The following ZNF423 variants were observed in gnomAD, a reference collection of about 807,000 sequenced individuals.
The protein encoded by ZNF423 is Ebf-associated zinc finger protein.
Under a neutral mutation model 95.8 loss-of-function variants are expected in ZNF423, and 12 were observed. The ratio of observed to expected loss-of-function variants is 0.13; its 90% CI spans 0.08 to 0.20. The LOEUF is 0.20. Among genes scored for constraint, ZNF423 ranks in the 10% least tolerant of loss-of-function variants. ZNF423 has a pLI of 1.00. For synonymous variants in ZNF423, 749 were observed against 711.9 expected (o/e 1.05, Z -0.83); for missense variants, 1,316 against 1,737.1 (o/e 0.76, Z 4.31).
intron 5 of ZNF423, among the ~76,000 whole-genome samples, chr16:49,620,448 C>G (rs1415754306): frequency 1.3e-5 from 2 of 152,174 alleles, no homozygotes; most frequent in African/African-American, 2.4e-5. Context: ...GACAGCAGAG[C>G]CCAGCCCTTG....
chr16:49,553,346 A>C (rs1352103932), intron 5 of ZNF423, among the ~76,000 whole-genome samples: 1 of 151,902 alleles, frequency 6.6e-6, no homozygotes, highest in Non-Finnish European at 1.5e-5. Flanking sequence ...CTTTTCTTAT[A>C]TTTTATTTTT....
rs548884443 is a variant in ZNF423, at chr16:49,589,108, T to A, written c.3601+37062A>T. ...GGAGAAACAAAGACAACAGCCACCA[T>A]CCCCATTCTTGGCATTTCCCCCAAG... On this transcript the variant is annotated intron_variant, in intron 5 of 7. Coordinates refer to ENST00000563137, the MANE Select transcript of ZNF423 (RefSeq NM_001379286.1). 2.6e-5 allele frequency among the ~76,000 whole-genome samples: 4 copies of A among 152,136 alleles called. No individual in the cohort carries two copies. In the South Asian group the frequency reaches 8.3e-4, roughly 32 times the overall value.
intron 2 of ZNF423, among the ~76,000 whole-genome samples, chr16:49,742,681 C>T (rs546516926): frequency 1.8e-4 from 27 of 152,122 alleles, no homozygotes; most frequent in African/African-American, 6.0e-4. Context: ...GTGGGGAGCT[C>T]GATAAATCCA....
At chr16:49,851,488 A>G (rs139982593) in intron 1 of ZNF423, among the ~76,000 whole-genome samples, 7 of 152,338 alleles carry the variant, frequency 4.6e-5, no homozygotes, top group Admixed American at 3.9e-4. Flanking sequence ...GCAACTTTCT[A>G]TTAGATTGAA....
intron 5 of ZNF423, among the ~76,000 whole-genome samples, chr16:49,616,889 T>A (rs534865511): frequency 2.6e-5 from 4 of 152,286 alleles, no homozygotes; most frequent in Non-Finnish European, 5.9e-5. Context: ...CTAATAACAC[T>A]AATACAATAT....
intron 5 of ZNF423, among the ~76,000 whole-genome samples, chr16:49,613,996 T>C (rs1971800909): frequency 6.6e-6 from 1 of 152,224 alleles, no homozygotes; most frequent in Non-Finnish European, 1.5e-5. Flanking sequence ...CAAAAGCTCC[T>C]CTTAAGATAA....
intron 3 of ZNF423, among the ~76,000 whole-genome samples, chr16:49,683,648 G>A (rs2031453877): frequency 6.6e-6 from 1 of 152,182 alleles, no homozygotes; most frequent in Admixed American, 6.5e-5. Flanking sequence ...GAGGAAGAGG[G>A]GCCCCCTGGG....
chr16:49,609,052 G>A (rs1195947777), intron 5 of ZNF423, among the ~76,000 whole-genome samples: 1 of 152,110 alleles, frequency 6.6e-6, no homozygotes, highest in East Asian at 1.9e-4. Context: ...CTACCTAACA[G>A]TAACAAGTGC....
Position 49,638,547 on chromosome 16 carries a change from G to C in ZNF423, c.629C>G (p.Ala210Gly). Reference protein sequence around the residue: ...KKYHCHECEAAFSRSDHLKIH... With the variant: ...KKYHCHECEAGFSRSDHLKIH... ...CTTGAGGTGGTCGCTGCGGGAGAAG[G>C]CTGCCTCGCACTCGTGGCAGTGATA... Residue 210 changes from alanine (A) to glycine (G), a missense_variant, in exon 4 of 8, where the codon GCC (alanine) becomes GGC (glycine). Ala to Gly is a moderately conservative substitution (Grantham distance 60, BLOSUM62 0). Transcript: ENST00000563137. The surrounding 1 kb of genome is among the most constrained non-coding windows in gnomAD (Gnocchi z 5.6). 6.2e-7 allele frequency: 1 copy of C among 1,613,662 alleles called. No individual in the cohort carries two copies. The highest frequency in any genetic ancestry group is 8.5e-7 in the Non-Finnish European group (1 of 1,180,002).
intron 5 of ZNF423, among the ~76,000 whole-genome samples, chr16:49,611,499 A>C (rs1971720854): frequency 6.6e-6 from 1 of 152,062 alleles, no homozygotes; most frequent in Admixed American, 6.5e-5. Context: ...CAGCTAAGTA[A>C]AGGCTAAGAG....
chr16:49,623,183 C>A (rs1972143770), intron 5 of ZNF423, among the ~76,000 whole-genome samples: 1 of 152,176 alleles, frequency 6.6e-6, no homozygotes, highest in Non-Finnish European at 1.5e-5. Flanking sequence ...TGCCTGCTCT[C>A]CAGGCCTCCA....
intron 4 of ZNF423, among the ~76,000 whole-genome samples, chr16:49,632,775 G>A (rs2151876147): frequency 6.6e-6 from 1 of 152,320 alleles, no homozygotes; most frequent in Middle Eastern, 3.4e-3. Flanking sequence ...TCACATAGTA[G>A]GGGCTTTCAC....
intron 2 of ZNF423, among the ~76,000 whole-genome samples, chr16:49,748,871 G>A (rs2033577688): frequency 6.6e-6 from 1 of 152,106 alleles, no homozygotes; most frequent in Admixed American, 6.5e-5. Flanking sequence ...TCTGAGCATC[G>A]AGGTGCTTCC....
chr16:49,664,964 G>A (rs2030464755), intron 3 of ZNF423, among the ~76,000 whole-genome samples: 1 of 152,222 alleles, frequency 6.6e-6, no homozygotes, highest in Non-Finnish European at 1.5e-5. Flanking sequence ...GCCTGTAAGT[G>A]CTGTAAAAAG....
At chr16:49,793,155 T>C (rs1405665106) in intron 1 of ZNF423, among the ~76,000 whole-genome samples, 1 of 151,848 alleles carries the variant, frequency 6.6e-6, no homozygotes, top group Middle Eastern at 3.2e-3. Context: ...AGTGTGAGGT[T>C]TTTTTCTCCC....
intron 2 of ZNF423, among the ~76,000 whole-genome samples, chr16:49,763,302 A>T (rs1420131205): frequency 6.6e-6 from 1 of 151,736 alleles, no homozygotes; most frequent in African/African-American, 2.4e-5. Flanking sequence ...TTTTTGAGAC[A>T]GGGTCTCACT....
chr16:49,673,577 C>G (rs993578456), intron 3 of ZNF423, among the ~76,000 whole-genome samples: 3 of 152,212 alleles, frequency 2.0e-5, no homozygotes, highest in African/African-American at 7.2e-5. Context: ...CTCAGAAACC[C>G]AATTAGCATC....
chr16:49,586,987 G>A (rs915426082), intron 5 of ZNF423, among the ~76,000 whole-genome samples: 5 of 152,130 alleles, frequency 3.3e-5, no homozygotes, highest in South Asian at 2.1e-4. Context: ...ACAATGTCTC[G>A]TTGGTTTTGA....
intron 5 of ZNF423, among the ~76,000 whole-genome samples, chr16:49,623,734 G>A (rs1478910802): frequency 6.6e-6 from 1 of 152,074 alleles, no homozygotes; most frequent in Non-Finnish European, 1.5e-5. Context: ...CTCTTCCTGG[G>A]CCCCTCCTCC....
Sources: gnomAD v4.1 joint callset for allele counts (sites outside exome capture counted in the v4.1 genomes callset) on GRCh38, gnomAD v4.1.1 for gene constraint, Gnocchi (gnomAD v3.1) non-coding constraint, MANE v1.5 for transcripts, NCBI Gene and HGNC (gene_info 2026-07-23, HGNC 2026-07-21) for gene names.